ZNF423: variants seen among roughly 807,000 people sequenced by gnomAD.
The protein encoded by ZNF423 is zinc finger protein 423.
A neutral mutation model predicts 95.8 loss-of-function variants in ZNF423; 12 were observed. The ratio of observed to expected loss-of-function variants is 0.13; its 90% CI spans 0.08 to 0.20. The LOEUF is 0.20. Among genes scored for constraint, ZNF423 ranks in the 10% least tolerant of loss-of-function variants. The pLI, the probability that ZNF423 is intolerant of heterozygous loss-of-function variation, is 1.00. For synonymous variants in ZNF423, 749 were observed against 711.9 expected (o/e 1.05, Z -0.83); for missense variants, 1,316 against 1,737.1 (o/e 0.76, Z 4.31).
Position 49,659,322 on chromosome 16 carries a change from G to A in ZNF423, c.302-20448C>T, listed in dbSNP as rs550975026. On this transcript the variant is annotated intron_variant, in intron 3 of 7. Coordinates refer to ENST00000563137, the MANE Select transcript of ZNF423 (RefSeq NM_001379286.1). Reference sequence around the variant, plus strand: ...TGCCAGGCTGATCTCAAACTCCTGGGCTAAACCAATCCTCCTGCCTCAGCC... The same window carrying A: ...TGCCAGGCTGATCTCAAACTCCTGGACTAAACCAATCCTCCTGCCTCAGCC... Among the ~76,000 whole-genome samples, 27 of 152,304 alleles carry A rather than the reference G, an allele frequency of 1.8e-4. 1 individual carries two copies. Among genetic ancestry groups the A allele is most frequent in the African/African-American group, 6.5e-4 (27 of 41,562 alleles).
intron 5 of ZNF423, among the ~76,000 whole-genome samples, chr16:49,562,744 CA>C (rs1262431525): frequency 6.6e-6 from 1 of 152,104 alleles, no homozygotes; most frequent in Admixed American, 6.5e-5. Context: ...TCCAAATAGC[CA>C]ACGTTCATTG....
At chr16:49,670,438 G>A (rs1337941084) in intron 3 of ZNF423, among the ~76,000 whole-genome samples, 1 of 152,220 alleles carries the variant, frequency 6.6e-6, no homozygotes, top group Non-Finnish European at 1.5e-5. Flanking sequence ...CATGGCTGTG[G>A]CCCTGTAAGG....
Position 49,649,668 on chromosome 16 carries a change from C to G in ZNF423, c.302-10794G>C, listed in dbSNP as rs376239993. On this transcript the variant is annotated intron_variant, in intron 3 of 7. Coordinates refer to ENST00000563137, the MANE Select transcript of ZNF423 (RefSeq NM_001379286.1). ...ACACACACACACACACACACACACA[C>G]AGGGAGAGAGAGAGAGAGAGAGAGA... Among the ~76,000 whole-genome samples, 251 of 48,160 alleles carry G rather than the reference C, an allele frequency of 5.2e-3. 1 individual carries two copies. The highest frequency in any genetic ancestry group is 0.013 in the South Asian group (11 of 858). The allele number at this position is 48,160 out of a possible 152,430, so 31.6% of individuals were successfully genotyped here.
intron 7 of ZNF423, among the ~76,000 whole-genome samples, chr16:49,510,901 C>T (rs973308288): frequency 1.3e-5 from 2 of 152,226 alleles, no homozygotes; most frequent in Non-Finnish European, 2.9e-5. Flanking sequence ...CCCCCGTGCC[C>T]ATCTGTCGAG....
intron 2 of ZNF423, among the ~76,000 whole-genome samples, chr16:49,755,344 A>C (rs886872133): frequency 2.0e-5 from 3 of 152,166 alleles, no homozygotes; most frequent in African/African-American, 7.2e-5. Context: ...CCGTTTCTGT[A>C]ATCTTTTTCT....
At chr16:49,632,424 G>A (rs1972537007) in intron 4 of ZNF423, among the ~76,000 whole-genome samples, 1 of 152,168 alleles carries the variant, frequency 6.6e-6, no homozygotes, top group African/African-American at 2.4e-5. Flanking sequence ...CACACAGGGG[G>A]CAAGGCCCCA....
intron 1 of ZNF423, among the ~76,000 whole-genome samples, chr16:49,833,094 C>G (rs904801345): frequency 6.6e-6 from 1 of 152,238 alleles, no homozygotes; most frequent in Non-Finnish European, 1.5e-5. Flanking sequence ...CCTCGCCCAG[C>G]CTTACCAGGC....
At chr16:49,653,719 G>A (rs957244542) in intron 3 of ZNF423, among the ~76,000 whole-genome samples, 3 of 152,184 alleles carry the variant, frequency 2.0e-5, no homozygotes, top group African/African-American at 7.2e-5. Context: ...GGCTTGTACT[G>A]CCACTGTGGC....
intron 3 of ZNF423, among the ~76,000 whole-genome samples, chr16:49,694,835 G>A (rs907532836): frequency 2.0e-5 from 3 of 152,220 alleles, no homozygotes; most frequent in Admixed American, 2.0e-4. Flanking sequence ...GGAAATACTT[G>A]TGAGCATTTC....
At chr16:49,528,793 G>C (rs2151715530) in intron 5 of ZNF423, among the ~76,000 whole-genome samples, 1 of 152,058 alleles carries the variant, frequency 6.6e-6, no homozygotes, top group Non-Finnish European at 1.5e-5. Flanking sequence ...GAGAGGGCGG[G>C]GAGGGGCTGC....
intron 2 of ZNF423, among the ~76,000 whole-genome samples, chr16:49,752,125 C>T (rs2033643476): frequency 6.6e-6 from 1 of 152,230 alleles, no homozygotes; most frequent in African/African-American, 2.4e-5. Flanking sequence ...GGCCACATTT[C>T]CCCCTGCCTG....
chr16:49,664,111 G>T, intron 3 of ZNF423: 1 of 985,456 alleles, frequency 1.0e-6, no homozygotes, highest in Non-Finnish European at 1.2e-6. Flanking sequence ...GCTCACCAGG[G>T]CGTCCCAGGG....
At chr16:49,659,168 G>C (rs1189161348) in intron 3 of ZNF423, among the ~76,000 whole-genome samples, 1 of 152,136 alleles carries the variant, frequency 6.6e-6, no homozygotes, top group African/African-American at 2.4e-5. Flanking sequence ...AGCTCACTGT[G>C]GCCTCAACCT....
intron 5 of ZNF423, among the ~76,000 whole-genome samples, chr16:49,560,556 G>A (rs970421201): frequency 2.0e-5 from 3 of 152,202 alleles, no homozygotes; most frequent in South Asian, 2.1e-4. Flanking sequence ...TCAAGTTTTC[G>A]ATTGGTCTGG....
chr16:49,550,941 C>T (rs535238278), intron 5 of ZNF423, among the ~76,000 whole-genome samples: 113 of 152,336 alleles, frequency 7.4e-4, no homozygotes, highest in African/African-American at 2.6e-3. Flanking sequence ...ACCTAGAGGG[C>T]CCCTTTGTGG....
chr16:49,533,664 G>T (rs2151725312), intron 5 of ZNF423, among the ~76,000 whole-genome samples: 1 of 152,304 alleles, frequency 6.6e-6, no homozygotes, highest in Admixed American at 6.5e-5. Flanking sequence ...GTTTCATCAA[G>T]ACTAGATCCT....
chr16:49,768,097 G>A (rs934376429), intron 2 of ZNF423, among the ~76,000 whole-genome samples: 22 of 152,236 alleles, frequency 1.4e-4, no homozygotes, highest in African/African-American at 4.8e-4. Context: ...GCCCACTTCC[G>A]CAGGCTGGCT....
At chr16:49,652,671 G>A (rs543401009) in intron 3 of ZNF423, among the ~76,000 whole-genome samples, 5 of 152,348 alleles carry the variant, frequency 3.3e-5, no homozygotes, top group South Asian at 4.1e-4. Context: ...TGCTCCACTC[G>A]AGTGAAAGCA....
At chr16:49,494,339 C>T (rs1371195468) in intron 7 of ZNF423, among the ~76,000 whole-genome samples, 1 of 152,166 alleles carries the variant, frequency 6.6e-6, no homozygotes, top group African/African-American at 2.4e-5. Context: ...AACAAAAGCC[C>T]AGGATGTCAC....
Sources: allele counts gnomAD v4.1 joint callset (sites outside exome capture counted in the v4.1 genomes callset), GRCh38; gene constraint gnomAD v4.1.1; transcripts MANE v1.5; gene names NCBI Gene and HGNC (gene_info 2026-07-23, HGNC 2026-07-21).